Variants in ANKRD27 observed in about 807,000 individuals in gnomAD.
ANKRD27 encodes ankyrin repeat domain 27.
In ANKRD27, 112 loss-of-function variants were observed where a neutral mutation model predicts 129.7. The observed-to-expected ratio is 0.86, with a 90% CI of 0.74 to 1.01. ANKRD27 has a LOEUF of 1.01. ANKRD27 is among the 50% of genes least tolerant of loss of function. The pLI, the probability that ANKRD27 is intolerant of heterozygous loss-of-function variation, is 0.00. For synonymous variants in ANKRD27, 516 were observed against 511.2 expected, an observed-to-expected ratio of 1.01 and a Z score of -0.13; for missense variants, 1,258 against 1,300.5, an observed-to-expected ratio of 0.97 and a Z score of 0.50.
At position 32,648,563 on chromosome 19, in the gene ANKRD27, G is replaced by A. The variant is rs368200383; in HGVS notation, c.213+1119C>T. 5.3e-5 allele frequency among the ~76,000 whole-genome samples: 8 copies of A among 152,332 alleles called. No individual in the cohort carries two copies. In the East Asian group the frequency reaches 1.5e-3, roughly 29 times the overall value. ...CGCCTGTAATCCCAGCACTTTGGGA[G>A]GCCGAGGCGGGTGGATCATGAGGTG... On this transcript the variant is annotated intron_variant, in intron 3 of 28. Coordinates refer to ENST00000306065, the MANE Select transcript of ANKRD27 (RefSeq NM_032139.3).
intron 1 of ANKRD27, among the ~76,000 whole-genome samples, chr19:32,673,886 C>A (rs1967921514): frequency 6.6e-6 from 1 of 151,948 alleles, no homozygotes; most frequent in African/African-American, 2.4e-5. Context: ...GTGGCTAGTG[C>A]CTGTAATCCC....
rs1555747136 is a variant in ANKRD27, at chr19:32,656,103, G to GAAAGAAAGGAAGGAAAAGAAAAGAAAAGA, written c.102+2810_102+2811insTCTTTTCTTTTCTTTTCCTTCCTTTCTTT. ...AGAAAGAAAGAAAGAAAGAAAGAAA[G>GAAAGAAAGGAAGGAAAAGAAAAGAAAAGA]AAAGAAAAGAAAAGAAAAGAAAAGA... is the stretch of plus-strand genomic sequence containing the variant. On this transcript the variant is annotated intron_variant, in intron 2 of 28. Coordinates refer to ENST00000306065, the MANE Select transcript of ANKRD27 (RefSeq NM_032139.3). Among the ~76,000 whole-genome samples, 4 of 123,758 alleles carry GAAAGAAAGGAAGGAAAAGAAAAGAAAAGA rather than the reference G, an allele frequency of 3.2e-5. No individual in the cohort carries two copies. In the South Asian group the frequency reaches 8.2e-4, roughly 26 times the overall value. The allele number at this position is 123,758 out of a possible 152,430, so 81.2% of individuals were successfully genotyped here.
rs1479479815 is a variant in ANKRD27 at position 32,643,107 on chromosome 19, T to C, written c.782+16A>G. The stretch of plus-strand genomic sequence containing the variant: ...TGCCTCTGAGGACACCAAGCCGCTG[T>C]GGCGCAAACCCTTACCTGAACTCCG... On this transcript the variant is annotated intron_variant, in intron 9 of 28. Transcript: ENST00000306065. 1.2e-6 allele frequency: 2 copies of C among 1,613,352 alleles called. No homozygotes were observed. Among genetic ancestry groups the C allele is most frequent in the East Asian group, 4.5e-5 (2 of 44,850 alleles).
intron 10 of ANKRD27, among the ~76,000 whole-genome samples, chr19:32,641,000 G>A (rs1161415065): frequency 6.6e-6 from 1 of 151,996 alleles, no homozygotes; most frequent in African/African-American, 2.4e-5. Context: ...CCGGGTTCAC[G>A]CCACTCTCCT....
chr19:32,674,493 G>C (rs1372689693), intron 1 of ANKRD27, among the ~76,000 whole-genome samples: 1 of 152,158 alleles, frequency 6.6e-6, no homozygotes, highest in Non-Finnish European at 1.5e-5. Flanking sequence ...CCACAAGACG[G>C]AACAGACTCA....
At chr19:32,606,117 AT>A (rs1350653376) in intron 23 of ANKRD27, among the ~76,000 whole-genome samples, 163 bp from the exon 24 acceptor site, 8 of 132,716 alleles carry the variant, frequency 6.0e-5, no homozygotes, top group African/African-American at 1.8e-4. Flanking sequence ...CTCTGAGCTT[AT>A]TTTTTTGTTG....
chr19:32,604,250 C>T lies in ANKRD27; in HGVS notation c.2655+13G>A, dbSNP rs1223187759. 5 of 1,587,898 alleles carry T rather than the reference C, an allele frequency of 3.1e-6. No individual in the cohort carries two copies. The highest frequency in any genetic ancestry group is 3.4e-6 in the Non-Finnish European group (4 of 1,160,640). On this transcript the variant is annotated intron_variant, in intron 25 of 28. Transcript: ENST00000306065. ...CTCAGGATTCCCTCGGCTCTTCGAC[C>T]CTCTCCACCTACCTGTTCAGCACAG...
chr19:32,613,782 C>T (rs1446061155), intron 22 of ANKRD27, among the ~76,000 whole-genome samples: 2 of 149,800 alleles, frequency 1.3e-5, no homozygotes, highest in African/African-American at 2.5e-5. Context: ...AATCTCGGCT[C>T]ACTGCAAGCC....
In ANKRD27 at chr19:32,610,048, C is replaced by T. The variant is rs114737361; in HGVS notation, c.2176-2216G>A. Among the ~76,000 whole-genome samples, 397 of 152,090 alleles carry T rather than the reference C, an allele frequency of 2.6e-3. 5 individuals are homozygous for T. The highest frequency in any genetic ancestry group is 9.3e-3 in the African/African-American group (386 of 41,488). On this transcript the variant is annotated intron_variant, in intron 22 of 28. Coordinates refer to ENST00000306065, the MANE Select transcript of ANKRD27 (RefSeq NM_032139.3). ...AAAAATAGGCCAGCAAGGTAGCTTA[C>T]GCCTGTAATGCCAGCACTTTCGGGA...
At position 32,605,960 on chromosome 19, in the gene ANKRD27, C is replaced by A. The variant is rs774498624; in HGVS notation, c.2374-6G>T. Reference sequence around the variant, plus strand: ...TCTAACAGACACTTCACCACCTGGGCCAGAGAAGGAAAACGTGCAAACTTA... The same window carrying A: ...TCTAACAGACACTTCACCACCTGGGACAGAGAAGGAAAACGTGCAAACTTA... On this transcript the variant is annotated splice_region_variant and splice_polypyrimidine_tract_variant and intron_variant, in intron 23 of 28. Coordinates refer to ENST00000306065, the MANE Select transcript of ANKRD27 (RefSeq NM_032139.3). The A allele has an allele frequency of 1.2e-6, 2 of 1,611,110 alleles. No individual in the cohort carries two copies. The highest frequency in any genetic ancestry group is 1.7e-6 in the Non-Finnish European group (2 of 1,178,690).
chr19:32,629,510 G>A (rs1323002507), intron 13 of ANKRD27, among the ~76,000 whole-genome samples: 1 of 152,020 alleles, frequency 6.6e-6, no homozygotes, highest in Non-Finnish European at 1.5e-5. Flanking sequence ...GACTAGCCTG[G>A]CCAACATGGT....
At chr19:32,608,425 A>G in intron 22 of ANKRD27, 3 of 366,802 alleles carry the variant, frequency 8.2e-6, no homozygotes, top group African/African-American at 2.1e-5. Flanking sequence ...ACCTCTGTTT[A>G]AACCACCGCT....
At chr19:32,606,026 A>G in intron 23 of ANKRD27, 72 bp from the exon 24 acceptor site, 1 of 1,250,670 alleles carries the variant, frequency 8.0e-7, no homozygotes, top group South Asian at 1.7e-5. Context: ...AAAATTATGA[A>G]AAATAAATAA....
chr19:32,657,369 G>A (rs1967558639), intron 2 of ANKRD27, among the ~76,000 whole-genome samples: 1 of 151,984 alleles, frequency 6.6e-6, no homozygotes, highest in Non-Finnish European at 1.5e-5. Flanking sequence ...GACTCAGGCA[G>A]GAAAATCGCT....
intron 17 of ANKRD27, among the ~76,000 whole-genome samples, chr19:32,623,519 A>C (rs1338692975): frequency 6.7e-6 from 1 of 149,324 alleles, no homozygotes; most frequent in Non-Finnish European, 1.5e-5. Context: ...AACTGAGCCC[A>C]TCCTGTGTGG....
intron 24 of ANKRD27, among the ~76,000 whole-genome samples, 167 bp downstream of exon 24, chr19:32,605,668 C>T (rs1024397511): frequency 5.3e-5 from 8 of 152,318 alleles, no homozygotes; most frequent in East Asian, 1.9e-4. Flanking sequence ...CTGTTCCCAT[C>T]GGAGAACCCC....
rs1599750939 is a variant in ANKRD27, at chr19:32,628,937, T to C, written c.1210-88A>G. The C allele has an allele frequency of 1.2e-5, 18 of 1,496,744 alleles. No homozygotes were observed. The East Asian group carries it at 4.3e-4, about 36-fold the overall frequency. The allele number at this position is 1,496,744 out of a possible 1,614,324, so 92.7% of individuals were successfully genotyped here. On this transcript the variant is annotated intron_variant, in intron 13 of 28. Transcript: ENST00000306065. ...TTTTTGAGAGTCCTTTTTGGTTTTTTTGAGATGGAGTCTCGTCCTGTCGCC... is the reference window on the plus strand; with the variant it reads ...TTTTTGAGAGTCCTTTTTGGTTTTTCTGAGATGGAGTCTCGTCCTGTCGCC...
At chr19:32,657,940 A>G (rs1967573677) in intron 2 of ANKRD27, among the ~76,000 whole-genome samples, 1 of 152,004 alleles carries the variant, frequency 6.6e-6, no homozygotes, top group East Asian at 1.9e-4. Flanking sequence ...ACGCCACCAC[A>G]CTCCAGCCTG....
intron 28 of ANKRD27, 128 bp from the exon 29 acceptor site, chr19:32,598,506 C>A: frequency 1.3e-6 from 1 of 768,976 alleles, no homozygotes; most frequent in Admixed American, 2.2e-5. Context: ...GGCATAATTT[C>A]AATTCTCACA....
Sources: gnomAD v4.1 joint callset for allele counts (sites outside exome capture counted in the v4.1 genomes callset) on GRCh38, gnomAD v4.1.1 for gene constraint, MANE v1.5 for transcripts, NCBI Gene and HGNC (gene_info 2026-07-23, HGNC 2026-07-21) for gene names.